The following USP7 variants were observed in gnomAD, a reference collection of about 807,000 sequenced individuals.
The protein encoded by USP7 is ubiquitin specific peptidase 7.
Under a neutral mutation model 162.9 loss-of-function variants are expected in USP7, and 9 were observed. The observed-to-expected ratio is 0.06, with a 90% confidence interval of 0.03 to 0.10. USP7 has a LOEUF of 0.10. Ranked by LOEUF, USP7 falls within the 10% of genes least tolerant of loss-of-function variation. The pLI, the probability that USP7 is intolerant of heterozygous loss-of-function variation, is 1.00. For synonymous variants in USP7, 562 were observed against 475.9 expected, an observed-to-expected ratio of 1.18 and a Z score of -2.35; for missense variants, 715 against 1,373.7, an observed-to-expected ratio of 0.52 and a Z score of 7.58.
chr16:8,945,558 A>G (rs1015452665), intron 1 of USP7, among the ~76,000 whole-genome samples: 1 of 152,220 alleles, frequency 6.6e-6, no homozygotes, highest in Non-Finnish European at 1.5e-5. Context: ...CTAGCCATTC[A>G]TAAGAGGAAA....
intron 1 of USP7, among the ~76,000 whole-genome samples, chr16:8,945,995 G>C (rs1441157977): frequency 6.6e-6 from 1 of 152,170 alleles, no homozygotes; most frequent in African/African-American, 2.4e-5. Context: ...GAACGGACAG[G>C]GGAGAATGGA....
Position 8,902,107 on chromosome 16 carries a change from C to A in USP7, c.2022G>T (p.Ala674=). The change falls in exon 18 of 31, where the codon GCG becomes GCT. Residue 674 remains alanine (A), a synonymous_variant. Coordinates refer to ENST00000344836, the MANE Select transcript of USP7 (RefSeq NM_003470.3). ...GATCTTTATCAAACTTGGGTAAGGT[C>A]GCTCCACTAGCAGCCAGCTCGGGAT... ...TVDPELAASG[A]TLPKFDKDHD... is the part of the protein sequence containing the mutation. 1 of 1,614,112 alleles carries A rather than the reference C, an allele frequency of 6.2e-7. No homozygotes were observed. The highest frequency in any genetic ancestry group is 2.2e-5 in the East Asian group (1 of 44,870).
chr16:8,905,068 T>C, intron 14 of USP7, 119 bp downstream of exon 14: 1 of 1,287,990 alleles, frequency 7.8e-7, no homozygotes, highest in Non-Finnish European at 1.1e-6. Context: ...TCTGCGCTGC[T>C]GTGAATACAA....
chr16:8,917,481 C>G (rs1048535707), intron 6 of USP7, among the ~76,000 whole-genome samples: 1 of 152,200 alleles, frequency 6.6e-6, no homozygotes, highest in Non-Finnish European at 1.5e-5. Flanking sequence ...TGGGTTCAGG[C>G]AATTCTCCTG....
intron 1 of USP7, among the ~76,000 whole-genome samples, chr16:8,957,390 T>C (rs1596418481): frequency 6.6e-6 from 1 of 152,182 alleles, no homozygotes; most frequent in East Asian, 1.9e-4. Flanking sequence ...TTCTCCAGGA[T>C]AAAACTTCTT....
chr16:8,945,911 AC>A (rs1368153623), intron 1 of USP7, among the ~76,000 whole-genome samples: 4 of 152,150 alleles, frequency 2.6e-5, no homozygotes, highest in Non-Finnish European at 4.4e-5. Context: ...ATTAAAAAAA[AC>A]AACAGCACTG....
chr16:8,911,439 A>C (rs2061944762), intron 10 of USP7, among the ~76,000 whole-genome samples: 1 of 152,256 alleles, frequency 6.6e-6, no homozygotes, highest in South Asian at 2.1e-4. Flanking sequence ...ATGCTGAGTG[A>C]CAAGCTCTCA....
intron 2 of USP7, among the ~76,000 whole-genome samples, chr16:8,927,498 AGAACAACATTCTAAATCT>A (rs1898079166): frequency 6.6e-6 from 1 of 152,150 alleles, no homozygotes; most frequent in East Asian, 1.9e-4. Flanking sequence ...AGTTTCATGG[AGAACAACATTCTAAATCT>A]AGATCCATCT....
At chr16:8,949,940 C>A (rs1899474022) in intron 1 of USP7, among the ~76,000 whole-genome samples, 1 of 152,124 alleles carries the variant, frequency 6.6e-6, no homozygotes, top group Admixed American at 6.5e-5. Context: ...GGTTGCTATC[C>A]CCTAGAATAG....
At chr16:8,955,648 G>C (rs1247184383) in intron 1 of USP7, among the ~76,000 whole-genome samples, 1 of 143,624 alleles carries the variant, frequency 7.0e-6, no homozygotes, top group South Asian at 2.2e-4. Context: ...GGAGGTTGCA[G>C]TGAGCCGAGA....
chr16:8,901,011 A>T lies in USP7; in HGVS notation c.2187T>A (p.Asp729Glu), dbSNP rs1454215936. Reference protein sequence around the residue: ...VMCDRAGFIQDTSLILYEEVK... With the variant: ...VMCDRAGFIQETSLILYEEVK... ...AAACCTCATAGAGGATAAGGCTAGTATCTTGAATAAATCCTGCTCTGTCAC... is the reference window on the plus strand; with the variant it reads ...AAACCTCATAGAGGATAAGGCTAGTTTCTTGAATAAATCCTGCTCTGTCAC... The change falls in exon 20 of 31, where the codon GAT becomes GAA. Residue 729 changes from aspartate (D) to glutamate (E), a missense_variant. Around this residue, in one of 11 missense-constraint regions of USP7, gnomAD observed 197 missense variants for 306.5 expected, o/e 0.64. Coordinates refer to ENST00000344836, the MANE Select transcript of USP7 (RefSeq NM_003470.3). 1 of 1,614,052 alleles carries T rather than the reference A, an allele frequency of 6.2e-7. No individual in the cohort carries two copies. Among genetic ancestry groups the T allele is most frequent in the Non-Finnish European group, 8.5e-7 (1 of 1,180,032 alleles).
At chr16:8,921,972 G>A (rs1003558312) in intron 3 of USP7, among the ~76,000 whole-genome samples, 7 of 152,200 alleles carry the variant, frequency 4.6e-5, no homozygotes, top group African/African-American at 1.7e-4. Context: ...ACAAGGGTAG[G>A]ACAGTGCTGT....
chr16:8,950,549 C>A (rs1899502699), intron 1 of USP7, among the ~76,000 whole-genome samples: 1 of 152,198 alleles, frequency 6.6e-6, no homozygotes, highest in African/African-American at 2.4e-5. Context: ...AGACTTTGAT[C>A]ACTTGGGCTG....
chr16:8,892,968 TAAAAG>T lies in USP7; in HGVS notation c.*1025_*1029del, dbSNP rs2061622660. 2 of 152,142 alleles carry T rather than the reference TAAAAG, an allele frequency of 1.3e-5. No homozygotes were observed. The highest frequency in any genetic ancestry group is 4.1e-4 in the South Asian group (2 of 4,828). The allele number at this position is 152,142 out of a possible 1,614,324, so 9.4% of individuals were successfully genotyped here. ...CACGCAGCTGGCATTAGCTCCAAAATAAAAGGAAACGGGGCTGGGACCGAAATAAA... is the reference window on the plus strand; with the variant it reads ...CACGCAGCTGGCATTAGCTCCAAAATGAAACGGGGCTGGGACCGAAATAAA... On this transcript the variant is annotated 3_prime_UTR_variant, in exon 31 of 31. Transcript: ENST00000344836.
intron 1 of USP7, among the ~76,000 whole-genome samples, chr16:8,947,023 G>GT (rs1371095139): frequency 6.6e-6 from 1 of 152,160 alleles, no homozygotes; most frequent in Non-Finnish European, 1.5e-5. Flanking sequence ...GTTACCACTT[G>GT]TTTTGCTTTG....
chr16:8,955,562 C>G (rs557351197), intron 1 of USP7, among the ~76,000 whole-genome samples: 1 of 151,946 alleles, frequency 6.6e-6, no homozygotes, highest in Non-Finnish European at 1.5e-5. Context: ...AAAAATTAGC[C>G]GGGCATGGCG....
chr16:8,919,433 C>G (rs1897556852), intron 5 of USP7, among the ~76,000 whole-genome samples: 1 of 152,124 alleles, frequency 6.6e-6, no homozygotes, highest in Non-Finnish European at 1.5e-5. Context: ...TGCATGCTCA[C>G]ACCCAACATG....
rs187035552 is a variant in USP7, at chr16:8,963,361, G to A, written c.-76C>T. The A allele has an allele frequency of 4.5e-6, 2 of 448,256 alleles. No homozygotes were observed. Among genetic ancestry groups the A allele is most frequent in the Non-Finnish European group, 5.8e-6 (2 of 343,166 alleles). The allele number at this position is 448,256 out of a possible 1,614,324, so 27.8% of individuals were successfully genotyped here. On this transcript the variant is annotated 5_prime_UTR_variant, in exon 1 of 31. Coordinates refer to ENST00000344836, the MANE Select transcript of USP7 (RefSeq NM_003470.3). ...CCGGCGGGCGGGCGGCGGCGAGCCG[G>A]GGCGGCGGCGGCGGCGGCGGCGGCG...
At chr16:8,944,295 A>G (rs1899183849) in intron 1 of USP7, among the ~76,000 whole-genome samples, 1 of 151,202 alleles carries the variant, frequency 6.6e-6, no homozygotes. Context: ...CAGCTGAGAG[A>G]GGGGGTGCAA....
Sources: allele counts gnomAD v4.1 joint callset (sites outside exome capture counted in the v4.1 genomes callset), GRCh38; gene constraint gnomAD v4.1.1; regional missense constraint gnomAD v4.1.1; transcripts MANE v1.5; gene names NCBI Gene and HGNC (gene_info 2026-07-23, HGNC 2026-07-21).